TAF2: variants seen among roughly 807,000 people sequenced by gnomAD.
TAF2 encodes TATA-box binding protein associated factor 2.
In TAF2, 61 loss-of-function variants were observed where a neutral mutation model predicts 138.5. The ratio of observed to expected loss-of-function variants is 0.44; its 90% confidence interval spans 0.36 to 0.54. The LOEUF is 0.54. TAF2 is among the 20% of genes least tolerant of loss of function. The probability of loss-of-function intolerance (pLI) is 0.00; values close to 1 mark genes in which losing one functional copy is unlikely to be tolerated. For missense variants in TAF2, 1,090 were observed against 1,427.9 expected, an observed-to-expected ratio of 0.76 and a Z score of 3.81; for synonymous variants, 475 against 469.9, an observed-to-expected ratio of 1.01 and a Z score of -0.14.
rs145078256 is a variant in TAF2, at chr8:119,770,868, C to T, written c.2364+7151G>A. On this transcript the variant is annotated intron_variant, in intron 18 of 25. Coordinates refer to ENST00000378164, the MANE Select transcript of TAF2 (RefSeq NM_003184.4). ...GGCGGACTGCCTGAACTCAGGAGTT[C>T]GAGACTAGCCTGGGCAACATGGTGA... Among the ~76,000 whole-genome samples the T allele has an allele frequency of 7.1e-3, 1,084 of 152,240 alleles. 14 individuals carry two copies. The highest frequency in any genetic ancestry group is 0.025 in the African/African-American group (1,028 of 41,556).
chr8:119,785,442 T>C (rs1822949910), intron 14 of TAF2, among the ~76,000 whole-genome samples, 176 bp from the exon 15 acceptor site: 1 of 152,214 alleles, frequency 6.6e-6, no homozygotes, highest in Non-Finnish European at 1.5e-5. Flanking sequence ...ATTTTAAAGC[T>C]GGTGGGAATG....
At chr8:119,765,520 T>C (rs983457073) in intron 18 of TAF2, among the ~76,000 whole-genome samples, 5 of 152,306 alleles carry the variant, frequency 3.3e-5, no homozygotes, top group African/African-American at 1.2e-4. Flanking sequence ...GAAAAGTTAC[T>C]GATGCAACTT....
At chr8:119,806,005 A>T (rs1326888367) in intron 4 of TAF2, among the ~76,000 whole-genome samples, 1 of 151,616 alleles carries the variant, frequency 6.6e-6, no homozygotes, top group East Asian at 2.0e-4. Context: ...CCTGGGTTCA[A>T]GCAATTCTCC....
At chr8:119,743,081 TAAAAAAACCC>T (rs1819713722) in intron 24 of TAF2, among the ~76,000 whole-genome samples, 2 of 150,886 alleles carry the variant, frequency 1.3e-5, no homozygotes, top group South Asian at 4.2e-4. Context: ...AAAAAAAATT[TAAAAAAACCC>T]CAAAAAACAA....
intron 18 of TAF2, among the ~76,000 whole-genome samples, chr8:119,769,807 G>C (rs1821697905): frequency 6.6e-6 from 1 of 151,524 alleles, no homozygotes; most frequent in Non-Finnish European, 1.5e-5. Flanking sequence ...CCCCAGGCTG[G>C]AGTGAAGTGG....
At chr8:119,772,267 T>C (rs766685068) in intron 18 of TAF2, among the ~76,000 whole-genome samples, 39 of 152,042 alleles carry the variant, frequency 2.6e-4, no homozygotes, top group Non-Finnish European at 5.4e-4. Context: ...ACAAAGAAAA[T>C]GTAGTCACAA....
intron 23 of TAF2, among the ~76,000 whole-genome samples, chr8:119,746,373 CAAAAA>C (rs11392436): frequency 1.8e-5 from 1 of 54,320 alleles, no homozygotes. Context: ...AACTCTGTCT[CAAAAA>C]AAAAAAAAAA....
chr8:119,760,382 G>T, intron 20 of TAF2: 2 of 485,050 alleles, frequency 4.1e-6, no homozygotes, highest in African/African-American at 2.0e-5. Flanking sequence ...TGACTTCTTG[G>T]AAAGGCTAAA....
chr8:119,811,714 G>A (rs1376885742), intron 3 of TAF2, among the ~76,000 whole-genome samples: 1 of 148,440 alleles, frequency 6.7e-6, no homozygotes, highest in African/African-American at 2.5e-5. Context: ...GCTGAGGCAG[G>A]AGAATGGCAT....
chr8:119,804,751 T>G (rs1586489002), intron 4 of TAF2, among the ~76,000 whole-genome samples: 1 of 152,314 alleles, frequency 6.6e-6, no homozygotes, highest in East Asian at 1.9e-4. Context: ...ACACTTACTT[T>G]TCAAGTTCTT....
At chr8:119,733,035 T>G (rs557767531) in intron 25 of TAF2, among the ~76,000 whole-genome samples, 6 of 152,146 alleles carry the variant, frequency 3.9e-5, no homozygotes, top group Non-Finnish European at 7.4e-5. Context: ...TGCATATAGA[T>G]AGAAGAGCTG....
chr8:119,818,473 C>G (rs1054976688), intron 3 of TAF2, among the ~76,000 whole-genome samples: 8 of 152,126 alleles, frequency 5.3e-5, no homozygotes, highest in African/African-American at 1.9e-4. Flanking sequence ...TTTGAAAAAG[C>G]AAGTGCCCTC....
rs745994887 is a variant in TAF2 at position 119,746,882 on chromosome 8, T to C, written c.2931A>G (p.Thr977=). The stretch of plus-strand genomic sequence containing the variant: ...AGGAAGGTCTACTGAGGCCAAAAAG[T>C]GTGAAGTACAAGTCCACAGCACCAC... ...LRCGAVDLYF[T]LFGLSRPSCL... is the part of the protein sequence containing the mutation. The change falls in exon 23 of 26, where the codon ACA becomes ACG. Residue 977 remains threonine (T), a synonymous_variant. Coordinates refer to ENST00000378164, the MANE Select transcript of TAF2 (RefSeq NM_003184.4). 9 of 1,614,060 alleles carry C rather than the reference T, an allele frequency of 5.6e-6. No individual in the cohort carries two copies. The highest frequency in any genetic ancestry group is 7.6e-6 in the Non-Finnish European group (9 of 1,179,996).
chr8:119,773,755 C>G (rs1285358350), intron 18 of TAF2, among the ~76,000 whole-genome samples: 3 of 151,634 alleles, frequency 2.0e-5, no homozygotes, highest in Non-Finnish European at 4.4e-5. Flanking sequence ...TTACAGCTCT[C>G]TCTAGATTCA....
intron 3 of TAF2, among the ~76,000 whole-genome samples, chr8:119,810,279 T>C (rs1824961061): frequency 6.6e-6 from 1 of 152,190 alleles, no homozygotes; most frequent in African/African-American, 2.4e-5. Flanking sequence ...GACTGGCTTG[T>C]GTCACTAGGT....
chr8:119,771,747 C>A (rs1821854882), intron 18 of TAF2, among the ~76,000 whole-genome samples: 1 of 152,152 alleles, frequency 6.6e-6, no homozygotes, highest in South Asian at 2.1e-4. Context: ...TAGTGGTGGA[C>A]TTCAACACCC....
rs147534325 is a variant in TAF2 at position 119,769,448 on chromosome 8, T to TAATGATTTCATTTCATCCTA, written c.2365-6860_2365-6841dup. Among the ~76,000 whole-genome samples, 1,369 of 152,168 alleles carry TAATGATTTCATTTCATCCTA rather than the reference T, an allele frequency of 9.0e-3. 19 individuals are homozygous for TAATGATTTCATTTCATCCTA. The highest frequency in any genetic ancestry group is 0.031 in the African/African-American group (1,306 of 41,488). On this transcript the variant is annotated intron_variant, in intron 18 of 25. Coordinates refer to ENST00000378164, the MANE Select transcript of TAF2 (RefSeq NM_003184.4). The stretch of plus-strand genomic sequence containing the variant: ...CACAAGCTCTCTTATCAGTGGATCC[T>TAATGATTTCATTTCATCCTA]AATGATTTCATTTCATCCTAAATGA...
chr8:119,811,818 A>T lies in TAF2; in HGVS notation c.300-5417T>A, dbSNP rs565778596. Among the ~76,000 whole-genome samples, 33 of 151,678 alleles carry T rather than the reference A, an allele frequency of 2.2e-4. No homozygotes were observed. The East Asian group carries it at 5.0e-3, about 23-fold the overall frequency. ...GAGACTCCGTCTCAAAAAAAAAAAA[A>T]AAAAAAAAAATAACCAAAACAAAAT... is the stretch of plus-strand genomic sequence containing the variant. On this transcript the variant is annotated intron_variant, in intron 3 of 25. Coordinates refer to ENST00000378164, the MANE Select transcript of TAF2 (RefSeq NM_003184.4).
intron 14 of TAF2, among the ~76,000 whole-genome samples, chr8:119,787,745 C>T (rs951498539): frequency 6.6e-6 from 1 of 152,128 alleles, no homozygotes; most frequent in African/African-American, 2.4e-5. Context: ...CTGGGTATTA[C>T]CCAAAGGATT....
Sources: gnomAD v4.1 joint callset for allele counts (sites outside exome capture counted in the v4.1 genomes callset) on GRCh38, gnomAD v4.1.1 for gene constraint, MANE v1.5 for transcripts, NCBI Gene and HGNC (gene_info 2026-07-23, HGNC 2026-07-21) for gene names.